The following SPEM3 variants were observed in gnomAD, a reference collection of about 807,000 sequenced individuals.
The protein encoded by SPEM3 is uncharacterized protein SPEM3.
chr17:7,430,678 G>A lies in SPEM3; in HGVS notation c.1507G>A (p.Asp503Asn). Residue 503 changes from aspartate (D) to asparagine (N), a missense_variant, in exon 3 of 3, where the codon GAT becomes AAT. By Grantham distance (23) the Asp-to-Asn change is conservative. Transcript: ENST00000636696. The part of the protein sequence containing the change: ...ISEQTKQCSG[D>N]SAKLPAGSIL... ...TGAGCAAACAAAGCAATGCAGTGGG[G>A]ATAGTGCCAAGCTTCCTGCAGGATC... The A allele has an allele frequency of 2.5e-6, 1 of 398,678 alleles. No individual in the cohort carries two copies. Among genetic ancestry groups the A allele is most frequent in the Non-Finnish European group, 4.4e-6 (1 of 226,122 alleles). 24.7% of individuals were successfully genotyped at this position (398,678 alleles called of 1,614,324 possible). A position where few individuals can be genotyped will look rare whatever the true frequency, so the allele number is the denominator to read the frequency against.
Position 7,430,307 on chromosome 17 carries a change from C to G in SPEM3, c.1136C>G (p.Pro379Arg), listed in dbSNP as rs189631933. 4.9e-4 allele frequency: 202 copies of G among 413,340 alleles called. 2 individuals are homozygous for G. Among genetic ancestry groups the G allele is most frequent in the African/African-American group, 3.9e-3 (190 of 48,800 alleles). The allele number at this position is 413,340 out of a possible 1,614,324, so 25.6% of individuals were successfully genotyped here. A position where few individuals can be genotyped will look rare whatever the true frequency, so the allele number is the denominator to read the frequency against. The change falls in exon 3 of 3, where the codon CCC (proline) becomes CGC (arginine). Residue 379 changes from proline to arginine, a missense_variant. Transcript: ENST00000636696. Reference protein sequence around the residue: ...VPVPTSAPAPPGTLAPATTPV... With the variant: ...VPVPTSAPAPRGTLAPATTPV... ...GTCCCAACCTCTGCCCCAGCTCCTC[C>G]CGGAACTCTTGCCCCAGCCACTACT...
Position 7,428,897 on chromosome 17 carries a change from C to T in SPEM3, c.-6C>T, listed in dbSNP as rs769979111. On this transcript the variant is annotated 5_prime_UTR_variant, in exon 1 of 3. Transcript: ENST00000636696. ...GGGGGCCTAGGCAGTCCTGGGACCC[C>T]AGGCCATGGGTGAGCGAGCCTATCA... 2.3e-5 allele frequency: 9 copies of T among 398,592 alleles called. No individual in the cohort carries two copies. The highest frequency in any genetic ancestry group is 4.1e-5 in the African/African-American group (2 of 48,626). The allele number at this position is 398,592 out of a possible 1,614,324, so 24.7% of individuals were successfully genotyped here.
At position 7,430,075 on chromosome 17, in the gene SPEM3, G is replaced by A; in HGVS notation, c.904G>A (p.Ala302Thr). The A allele has an allele frequency of 2.4e-6, 1 of 412,880 alleles. No homozygotes were observed. The highest frequency in any genetic ancestry group is 4.3e-6 in the Non-Finnish European group (1 of 234,926). The allele number at this position is 412,880 out of a possible 1,614,324, so 25.6% of individuals were successfully genotyped here. ...ASAHTKAHTS[A>T]QAQTHSPPHT... Reference sequence around the variant, plus strand: ...AGCTCACACTAAAGCCCATACGTCAGCCCAGGCCCAAACCCACTCTCCGCC... The same window carrying A: ...AGCTCACACTAAAGCCCATACGTCAACCCAGGCCCAAACCCACTCTCCGCC... Residue 302 changes from alanine to threonine, a missense_variant, in exon 3 of 3, where the codon GCC becomes ACC. Physicochemically the swap from Ala to Thr is moderately conservative, Grantham distance 58. Transcript: ENST00000636696.
rs1907755193 is a variant in SPEM3 at position 7,429,446 on chromosome 17, C to T, written c.275C>T (p.Ser92Phe). The T allele has an allele frequency of 5.0e-6, 2 of 398,634 alleles. No individual in the cohort carries two copies. Among genetic ancestry groups the T allele is most frequent in the Admixed American group, 8.8e-5 (2 of 22,730 alleles). The allele number at this position is 398,634 out of a possible 1,614,324, so 24.7% of individuals were successfully genotyped here. Residue 92 changes from serine (S) to phenylalanine (F), a missense_variant, in exon 3 of 3, where the codon TCC becomes TTC. Ser to Phe is a radical substitution (Grantham distance 155). Coordinates refer to ENST00000636696, the MANE Select transcript of SPEM3 (RefSeq NM_001364708.1). This position sits in a 1 kb window ranked among gnomAD's most constrained non-coding sequence, Gnocchi z 4.9. Reference sequence around the variant, plus strand: ...AAGAACCTGTGCTCAAAAGTCTCTTCCCGCGTCCATCCTCGCCCAGGCTTC... The same window carrying T: ...AAGAACCTGTGCTCAAAAGTCTCTTTCCGCGTCCATCCTCGCCCAGGCTTC... ...DPKNLCSKVSSRVHPRPGFLL... is the reference protein window; with the variant it reads ...DPKNLCSKVSFRVHPRPGFLL...
chr17:7,430,309 G>T lies in SPEM3; in HGVS notation c.1138G>T (p.Gly380Ter). Residue 380 changes from glycine (G) to a stop codon, truncating the protein, a stop_gained, in exon 3 of 3, where the codon GGA (glycine) becomes TGA (stop). Coordinates refer to ENST00000636696, the MANE Select transcript of SPEM3 (RefSeq NM_001364708.1). LOFTEE classifies it low-confidence loss of function (END_TRUNC). ...CCCAACCTCTGCCCCAGCTCCTCCC[G>T]GAACTCTTGCCCCAGCCACTACTCC... ...PVPTSAPAPP[G>*]TLAPATTPVL... 1 of 411,664 alleles carries T rather than the reference G, an allele frequency of 2.4e-6. No homozygotes were observed. Among genetic ancestry groups the T allele is most frequent in the South Asian group, 9.0e-5 (1 of 11,072 alleles). 25.5% of individuals were successfully genotyped at this position (411,664 alleles called of 1,614,324 possible).
Position 7,431,154 on chromosome 17 carries a change from ATG to A in SPEM3, c.1985_1986del (p.Cys662SerfsTer2), listed in dbSNP as rs1907819910. 1 of 398,488 alleles carries A rather than the reference ATG, an allele frequency of 2.5e-6. No individual in the cohort carries two copies. Among genetic ancestry groups the A allele is most frequent in the African/African-American group, 2.1e-5 (1 of 48,578 alleles). 24.7% of individuals were successfully genotyped at this position (398,488 alleles called of 1,614,324 possible). A position where few individuals can be genotyped will look rare whatever the true frequency, so the allele number is the denominator to read the frequency against. Reference sequence around the variant, plus strand: ...CCCTGATCCAACCCCAATGCCCTGAATGTCATGAGAGTCTAGGCCTTACCCAA... The same window carrying A: ...CCCTGATCCAACCCCAATGCCCTGAATCATGAGAGTCTAGGCCTTACCCAA... Reference protein sequence around the residue: ...QPLIQPQCPECHESLGLTQDS... With the variant: ...QPLIQPQCPEXHESLGLTQDS... On this transcript the variant is annotated frameshift_variant, in exon 3 of 3. Transcript: ENST00000636696. LOFTEE classifies it low-confidence loss of function (END_TRUNC).
Position 7,430,108 on chromosome 17 carries a change from C to T in SPEM3, c.937C>T (p.Pro313Ser), listed in dbSNP as rs967114070. Reference sequence around the variant, plus strand: ...CCAAACCCACTCTCCGCCCCACACCCCTGAGTATACTCACTCCCAGGCCCA... The same window carrying T: ...CCAAACCCACTCTCCGCCCCACACCTCTGAGTATACTCACTCCCAGGCCCA... ...QAQTHSPPHT[P>S]EYTHSQAHSP... Residue 313 changes from proline to serine, a missense_variant, in exon 3 of 3, where the codon CCT becomes TCT. Coordinates refer to ENST00000636696, the MANE Select transcript of SPEM3 (RefSeq NM_001364708.1). 4.8e-6 allele frequency: 2 copies of T among 417,730 alleles called. No homozygotes were observed. The highest frequency in any genetic ancestry group is 4.1e-5 in the African/African-American group (2 of 48,604). 25.9% of individuals were successfully genotyped at this position (417,730 alleles called of 1,614,324 possible). A position where few individuals can be genotyped will look rare whatever the true frequency, so the allele number is the denominator to read the frequency against.
Position 7,430,976 on chromosome 17 carries a change from C to T in SPEM3, c.1805C>T (p.Pro602Leu). The change falls in exon 3 of 3, where the codon CCT becomes CTT. Residue 602 changes from proline (P) to leucine (L), a missense_variant. By Grantham distance (98) the Pro-to-Leu change is moderately conservative. Coordinates refer to ENST00000636696, the MANE Select transcript of SPEM3 (RefSeq NM_001364708.1). ...TTCACTCTTTCCCTGCCTCTCGTTCCTCCCAGATCCTTTGTCCCTCCTCAA... is the reference window on the plus strand; with the variant it reads ...TTCACTCTTTCCCTGCCTCTCGTTCTTCCCAGATCCTTTGTCCCTCCTCAA... ...PPFTLSLPLVPPRSFVPPQPT... is the reference protein window; with the variant it reads ...PPFTLSLPLVLPRSFVPPQPT... 2.5e-6 allele frequency: 1 copy of T among 398,920 alleles called. No homozygotes were observed. Among genetic ancestry groups the T allele is most frequent in the South Asian group, 1.3e-4 (1 of 7,862 alleles). 24.7% of individuals were successfully genotyped at this position (398,920 alleles called of 1,614,324 possible).
At position 7,431,168 on chromosome 17, in the gene SPEM3, T is replaced by A. The variant is rs1345221134; in HGVS notation, c.1997T>A (p.Leu666Gln). 3 of 398,510 alleles carry A rather than the reference T, an allele frequency of 7.5e-6. No individual in the cohort carries two copies. The highest frequency in any genetic ancestry group is 1.3e-5 in the Non-Finnish European group (3 of 226,120). 24.7% of individuals were successfully genotyped at this position (398,510 alleles called of 1,614,324 possible). A position where few individuals can be genotyped will look rare whatever the true frequency, so the allele number is the denominator to read the frequency against. ...QPQCPECHES[L>Q]GLTQDSGLQR... ...CAATGCCCTGAATGTCATGAGAGTC[T>A]AGGCCTTACCCAAGATTCTGGCCTT... Residue 666 changes from leucine (L) to glutamine (Q), a missense_variant, in exon 3 of 3, where the codon CTA becomes CAA. Transcript: ENST00000636696.
In SPEM3 at chr17:7,431,781, G is replaced by T. The variant is rs562307740; in HGVS notation, c.2610G>T (p.Pro870=). Residue 870 remains proline, a synonymous_variant, in exon 3 of 3, where the codon CCG becomes CCT. Coordinates refer to ENST00000636696, the MANE Select transcript of SPEM3 (RefSeq NM_001364708.1). ...AAGATTCTGGATCACAGAAGGGTCC[G>T]TATGTTCCCCAAGACTCTGAAGTCA... ...LTEDSGSQKG[P]YVPQDSEVNK... 5.3e-5 allele frequency: 21 copies of T among 398,588 alleles called. No individual in the cohort carries two copies. In the East Asian group the frequency reaches 7.5e-4, roughly 14 times the overall value. 24.7% of individuals were successfully genotyped at this position (398,588 alleles called of 1,614,324 possible).
chr17:7,429,971 A>T lies in SPEM3; in HGVS notation c.800A>T (p.His267Leu). The stretch of plus-strand genomic sequence containing the variant: ...GACACCTCAGCCCAGGCCCAAGCCC[A>T]CACCTCAGCCCCTACCCCAGCTCAG... ...AQDTSAQAQA[H>L]TSAPTPAQTP... The change falls in exon 3 of 3, where the codon CAC becomes CTC. Residue 267 changes from histidine to leucine, a missense_variant. Physicochemically the swap from His to Leu is moderately conservative, Grantham distance 99. Coordinates refer to ENST00000636696, the MANE Select transcript of SPEM3 (RefSeq NM_001364708.1). The surrounding 1 kb of genome is among the most constrained non-coding windows in gnomAD (Gnocchi z 4.9). The T allele has an allele frequency of 2.4e-6, 1 of 419,934 alleles. No homozygotes were observed. Among genetic ancestry groups the T allele is most frequent in the South Asian group, 7.7e-5 (1 of 13,050 alleles). The allele number at this position is 419,934 out of a possible 1,614,324, so 26.0% of individuals were successfully genotyped here. A position where few individuals can be genotyped will look rare whatever the true frequency, so the allele number is the denominator to read the frequency against.
At position 7,430,368 on chromosome 17, in the gene SPEM3, C is replaced by T. The variant is rs1175191501; in HGVS notation, c.1197C>T (p.Ala399=). 2.4e-6 allele frequency: 1 copy of T among 417,544 alleles called. No individual in the cohort carries two copies. Among genetic ancestry groups the T allele is most frequent in the East Asian group, 3.5e-5 (1 of 28,222 alleles). 25.9% of individuals were successfully genotyped at this position (417,544 alleles called of 1,614,324 possible). A position where few individuals can be genotyped will look rare whatever the true frequency, so the allele number is the denominator to read the frequency against. The change falls in exon 3 of 3, where the codon GCC becomes GCT. Residue 399 remains alanine (A), a synonymous_variant. Transcript: ENST00000636696. ...CTCCAACACCAGCCCCTGTCCCAGC[C>T]TCTGCCCCCAGCCCTGCTCCAGCAC... is the stretch of plus-strand genomic sequence containing the variant. The part of the protein sequence containing the change: ...VLAPTPAPVP[A]SAPSPAPALV...
At position 7,428,950 on chromosome 17, in the gene SPEM3, C is replaced by T. The variant is rs1221540983; in HGVS notation, c.48C>T (p.Asn16=). 2 of 398,730 alleles carry T rather than the reference C, an allele frequency of 5.0e-6. No individual in the cohort carries two copies. The highest frequency in any genetic ancestry group is 2.1e-5 in the African/African-American group (1 of 48,630). The allele number at this position is 398,730 out of a possible 1,614,324, so 24.7% of individuals were successfully genotyped here. The change falls in exon 1 of 3, where the codon AAC becomes AAT. Residue 16 remains asparagine, a synonymous_variant. Coordinates refer to ENST00000636696, the MANE Select transcript of SPEM3 (RefSeq NM_001364708.1). ...YHGAQVCSGT[N]PRKCQDLGDS... ...GGGCCCAGGTGTGCTCTGGCACCAA[C>T]CCCAGGAAGTGCCAGGACTTAGGAG...
Position 7,429,805 on chromosome 17 carries a change from C to T in SPEM3, c.634C>T (p.His212Tyr), listed in dbSNP as rs1478397990. The change falls in exon 3 of 3, where the codon CAC (histidine) becomes TAC (tyrosine). Residue 212 changes from histidine to tyrosine, a missense_variant. His to Tyr is a moderately conservative substitution (Grantham distance 83). Coordinates refer to ENST00000636696, the MANE Select transcript of SPEM3 (RefSeq NM_001364708.1). This position sits in a 1 kb window ranked among gnomAD's most constrained non-coding sequence, Gnocchi z 4.9. ...CGAGGCCCCAGCTCAGGCCCAGGTC[C>T]ACTCCCCAACCCACACTCCTGTGTG... ...PAEAPAQAQV[H>Y]SPTHTPVCTP... The T allele has an allele frequency of 2.5e-5, 10 of 400,434 alleles. No individual in the cohort carries two copies. Among genetic ancestry groups the T allele is most frequent in the Non-Finnish European group, 4.4e-5 (10 of 227,482 alleles). 24.8% of individuals were successfully genotyped at this position (400,434 alleles called of 1,614,324 possible). A position where few individuals can be genotyped will look rare whatever the true frequency, so the allele number is the denominator to read the frequency against.
Position 7,431,238 on chromosome 17 carries a change from T to A in SPEM3, c.2067T>A (p.Asn689Lys). 5.0e-6 allele frequency: 2 copies of A among 398,520 alleles called. No homozygotes were observed. The highest frequency in any genetic ancestry group is 8.8e-6 in the Non-Finnish European group (2 of 226,072). The allele number at this position is 398,520 out of a possible 1,614,324, so 24.7% of individuals were successfully genotyped here. Residue 689 changes from asparagine (N) to lysine (K), a missense_variant, in exon 3 of 3, where the codon AAT (asparagine) becomes AAA (lysine). Asn to Lys is a moderately conservative substitution (Grantham distance 94, BLOSUM62 0). Coordinates refer to ENST00000636696, the MANE Select transcript of SPEM3 (RefSeq NM_001364708.1). Reference sequence around the variant, plus strand: ...CAAAAGACTCCAGAGTTCCCAGGAATCTGGACCTTGCCCAAAACCCAGACC... The same window carrying A: ...CAAAAGACTCCAGAGTTCCCAGGAAACTGGACCTTGCCCAAAACCCAGACC... ...GPSKDSRVPR[N>K]LDLAQNPDLY... is the part of the protein sequence containing the mutation.
Position 7,429,274 on chromosome 17 carries a change from A to G in SPEM3, c.196+27A>G, listed in dbSNP as rs1907750106. On this transcript the variant is annotated intron_variant, in intron 2 of 2. Coordinates refer to ENST00000636696, the MANE Select transcript of SPEM3 (RefSeq NM_001364708.1). This position sits in a 1 kb window ranked among gnomAD's most constrained non-coding sequence, Gnocchi z 4.9. ...TGAGTGGGCCCCTGTATGGGCTCCC[A>G]GGGATATGGGCCTGTCCCCTTTCTC... is the stretch of plus-strand genomic sequence containing the variant. The G allele has an allele frequency of 5.0e-6, 2 of 398,392 alleles. No individual in the cohort carries two copies. The highest frequency in any genetic ancestry group is 2.1e-5 in the African/African-American group (1 of 48,548). 24.7% of individuals were successfully genotyped at this position (398,392 alleles called of 1,614,324 possible). A position where few individuals can be genotyped will look rare whatever the true frequency, so the allele number is the denominator to read the frequency against.
chr17:7,432,392 A>G lies in SPEM3; in HGVS notation c.3221A>G (p.Asn1074Ser), dbSNP rs1044024974. The G allele has an allele frequency of 6.8e-5, 27 of 398,684 alleles. No individual in the cohort carries two copies. In the Middle Eastern group the frequency reaches 2.5e-3, roughly 37 times the overall value. 24.7% of individuals were successfully genotyped at this position (398,684 alleles called of 1,614,324 possible). ...GTCCTCTGGGCTCGTGTCCAACTCA[A>G]TGAGAACTCCTGCCCTTCCAAGGCC... Reference protein sequence around the residue: ...RHVLWARVQLNENSCPSKAQV... With the variant: ...RHVLWARVQLSENSCPSKAQV... The change falls in exon 3 of 3, where the codon AAT (asparagine) becomes AGT (serine). Residue 1074 changes from asparagine to serine, a missense_variant. Coordinates refer to ENST00000636696, the MANE Select transcript of SPEM3 (RefSeq NM_001364708.1). This position sits in a 1 kb window ranked among gnomAD's most constrained non-coding sequence, Gnocchi z 4.1.
chr17:7,430,772 C>T lies in SPEM3; in HGVS notation c.1601C>T (p.Pro534Leu). 2.5e-6 allele frequency: 1 copy of T among 398,606 alleles called. No individual in the cohort carries two copies. Among genetic ancestry groups the T allele is most frequent in the Non-Finnish European group, 4.4e-6 (1 of 226,106 alleles). 24.7% of individuals were successfully genotyped at this position (398,606 alleles called of 1,614,324 possible). A position where few individuals can be genotyped will look rare whatever the true frequency, so the allele number is the denominator to read the frequency against. ...KNSDDAKDKF[P>L]QTKTSPYCSF... ...TCAGATGATGCCAAAGATAAGTTCCCCCAGACCAAGACTTCCCCTTACTGC... is the reference window on the plus strand; with the variant it reads ...TCAGATGATGCCAAAGATAAGTTCCTCCAGACCAAGACTTCCCCTTACTGC... Residue 534 changes from proline to leucine, a missense_variant, in exon 3 of 3, where the codon CCC (proline) becomes CTC (leucine). Physicochemically the swap from Pro to Leu is moderately conservative, Grantham distance 98. Coordinates refer to ENST00000636696, the MANE Select transcript of SPEM3 (RefSeq NM_001364708.1).
Position 7,431,655 on chromosome 17 carries a change from T to C in SPEM3, c.2484T>C (p.Thr828=). Residue 828 remains threonine (T), a synonymous_variant, in exon 3 of 3, where the codon ACT becomes ACC. Transcript: ENST00000636696. ...IYKNQDLSQA[T]DHQKNLGSSK... The stretch of plus-strand genomic sequence containing the variant: ...AAAATCAAGATCTCTCCCAAGCAAC[T>C]GACCACCAAAAGAACCTAGGCTCTT... 1 of 398,576 alleles carries C rather than the reference T, an allele frequency of 2.5e-6. No individual in the cohort carries two copies. Among genetic ancestry groups the C allele is most frequent in the Non-Finnish European group, 4.4e-6 (1 of 226,058 alleles). The allele number at this position is 398,576 out of a possible 1,614,324, so 24.7% of individuals were successfully genotyped here. A position where few individuals can be genotyped will look rare whatever the true frequency, so the allele number is the denominator to read the frequency against.
Sources: gnomAD v4.1 joint callset for allele counts on GRCh38, gnomAD v4.1.1 for gene constraint, Gnocchi (gnomAD v3.1) non-coding constraint, MANE v1.5 for transcripts, NCBI Gene and HGNC (gene_info 2026-07-23, HGNC 2026-07-21) for gene names.